LRRFIP1: variants seen among roughly 807,000 people sequenced by gnomAD.
LRRFIP1 encodes the protein LRR binding FLII interacting protein 1.
A neutral mutation model predicts 104.4 loss-of-function variants in LRRFIP1; 62 were observed. The ratio of observed to expected loss-of-function variants is 0.59; its 90% CI spans 0.48 to 0.73. The LOEUF (loss-of-function observed/expected upper bound fraction) is 0.73. Among genes scored for constraint, LRRFIP1 ranks in the 30% least tolerant of loss-of-function variants. The probability of loss-of-function intolerance (pLI) is 0.00; values close to 1 mark genes in which losing one functional copy is unlikely to be tolerated. For synonymous variants in LRRFIP1, 300 were observed against 299.0 expected, an observed-to-expected ratio of 1.00 and a Z score of -0.03; for missense variants, 796 against 824.5, an observed-to-expected ratio of 0.97 and a Z score of 0.42.
chr2:237,727,745 T>C, intron 7 of LRRFIP1, 131 bp from the exon 8 acceptor site: 2 of 684,894 alleles, frequency 2.9e-6, no homozygotes, highest in Non-Finnish European at 5.2e-6. Flanking sequence ...ACTTGTACTG[T>C]CCTGGACTGG....
At position 237,642,308 on chromosome 2, in the gene LRRFIP1, A is replaced by G. The variant is rs931514409; in HGVS notation, c.96+14568A>G. Among the ~76,000 whole-genome samples the G allele has an allele frequency of 3.3e-5, 5 of 152,024 alleles. No individual in the cohort carries two copies. The East Asian group carries it at 7.7e-4, about 24-fold the overall frequency. ...AGGCCTGGCTTCTGTCCCCAGCTTC[A>G]CTCCAGGTTCTAGGCTGCACGCCTG... On this transcript the variant is annotated intron_variant, in intron 1 of 23. Transcript: ENST00000308482.
chr2:237,663,433 C>G (rs1001789417), intron 1 of LRRFIP1, among the ~76,000 whole-genome samples: 1 of 152,150 alleles, frequency 6.6e-6, no homozygotes, highest in Non-Finnish European at 1.5e-5. Context: ...TTCTTTCCCC[C>G]CCCATCCCGC....
chr2:237,760,741 C>T (rs568896166), intron 19 of LRRFIP1, among the ~76,000 whole-genome samples: 44 of 152,258 alleles, frequency 2.9e-4, no homozygotes, highest in Middle Eastern at 3.4e-3. Flanking sequence ...CAAGCCACCG[C>T]TCGAGGTGGG....
At chr2:237,652,703 T>C (rs1001157658) in intron 1 of LRRFIP1, among the ~76,000 whole-genome samples, 4 of 152,188 alleles carry the variant, frequency 2.6e-5, no homozygotes, top group Non-Finnish European at 5.9e-5. Flanking sequence ...AAAACAATCT[T>C]GGCTGGGCAC....
chr2:237,663,731 G>A (rs2088571377), intron 1 of LRRFIP1, among the ~76,000 whole-genome samples: 1 of 152,226 alleles, frequency 6.6e-6, no homozygotes, highest in Non-Finnish European at 1.5e-5. Context: ...AGACACTGTG[G>A]AACTGACTGG....
intron 1 of LRRFIP1, among the ~76,000 whole-genome samples, chr2:237,654,154 T>C (rs1192327786): frequency 2.0e-5 from 3 of 152,056 alleles, no homozygotes; most frequent in African/African-American, 7.2e-5. Context: ...TATAAACAAA[T>C]TAATAGCAAG....
At chr2:237,699,392 G>A (rs1169390452) in intron 1 of LRRFIP1, among the ~76,000 whole-genome samples, 5 of 142,466 alleles carry the variant, frequency 3.5e-5, no homozygotes, top group Admixed American at 7.3e-5. Flanking sequence ...TCGCTCTGTC[G>A]CCCAGGCTGG....
intron 4 of LRRFIP1, among the ~76,000 whole-genome samples, chr2:237,718,642 C>T (rs2094431695): frequency 1.3e-5 from 2 of 152,202 alleles, no homozygotes; most frequent in Non-Finnish European, 2.9e-5. Context: ...TCGTGGACTT[C>T]ATCACATGCT....
At chr2:237,718,920 T>A (rs1485555818) in intron 4 of LRRFIP1, among the ~76,000 whole-genome samples, 8 of 152,134 alleles carry the variant, frequency 5.3e-5, no homozygotes, top group African/African-American at 1.7e-4. Flanking sequence ...CATGGTGATA[T>A]AAGAAAGAGA....
At chr2:237,773,701 G>A (rs2060845726) in intron 22 of LRRFIP1, among the ~76,000 whole-genome samples, 1 of 152,140 alleles carries the variant, frequency 6.6e-6, no homozygotes, top group Non-Finnish European at 1.5e-5. Flanking sequence ...TGGGCCCTAG[G>A]GCAATTTGTG....
At chr2:237,725,411 T>C (rs961476245) in intron 7 of LRRFIP1, among the ~76,000 whole-genome samples, 1 of 152,220 alleles carries the variant, frequency 6.6e-6, no homozygotes, top group Non-Finnish European at 1.5e-5. Context: ...ATGAAGTTAA[T>C]ATGCTGCCTA....
chr2:237,734,737 C>T lies in LRRFIP1; in HGVS notation c.490-531C>T, dbSNP rs184418318. 5.3e-5 allele frequency among the ~76,000 whole-genome samples: 8 copies of T among 152,326 alleles called. No individual in the cohort carries two copies. In the East Asian group the frequency reaches 1.5e-3, roughly 29 times the overall value. ...ACATCACCATTTGTGGCAGTGTAAG[C>T]TCCTGTTTACCCACGTTGATTAATT... On this transcript the variant is annotated intron_variant, in intron 9 of 23. Coordinates refer to ENST00000308482, the MANE Select transcript of LRRFIP1 (RefSeq NM_001137550.2).
At chr2:237,676,855 T>G (rs2091223667) in intron 1 of LRRFIP1, among the ~76,000 whole-genome samples, 1 of 152,190 alleles carries the variant, frequency 6.6e-6, no homozygotes, top group African/African-American at 2.4e-5. Flanking sequence ...TCTGAAAGTT[T>G]CTCTCCACAC....
chr2:237,753,722 G>T (rs991539979), intron 15 of LRRFIP1, among the ~76,000 whole-genome samples: 2 of 149,698 alleles, frequency 1.3e-5, no homozygotes, highest in African/African-American at 4.9e-5. Flanking sequence ...AGCCTGGAAG[G>T]TTGAGGCTGC....
chr2:237,776,773 TC>T (rs1415292644), intron 23 of LRRFIP1, among the ~76,000 whole-genome samples: 43 of 152,316 alleles, frequency 2.8e-4, no homozygotes, highest in Non-Finnish European at 5.1e-4. Flanking sequence ...CTTCCAGTCT[TC>T]CGTGTGTTGT....
rs2092726434 is a variant in LRRFIP1, at chr2:237,691,122, C to T, written c.97-17422C>T. ...CACGTTACCAAGTTGGGTCAGCGTG[C>T]AGAGAAAAGGGAATTGGGAATTGGA... is the stretch of plus-strand genomic sequence containing the variant. On this transcript the variant is annotated intron_variant, in intron 1 of 23. Coordinates refer to ENST00000308482, the MANE Select transcript of LRRFIP1 (RefSeq NM_001137550.2). This position sits in a 1 kb window ranked among gnomAD's most constrained non-coding sequence, Gnocchi z 5.4. Among the ~76,000 whole-genome samples, 1 of 151,734 alleles carries T rather than the reference C, an allele frequency of 6.6e-6. No homozygotes were observed. The highest frequency in any genetic ancestry group is 1.5e-5 in the Non-Finnish European group (1 of 68,024).
At chr2:237,673,406 G>A (rs2090640327) in intron 1 of LRRFIP1, among the ~76,000 whole-genome samples, 1 of 152,192 alleles carries the variant, frequency 6.6e-6, no homozygotes, top group African/African-American at 2.4e-5. Flanking sequence ...CCAGGGTCTC[G>A]CCAAGAGAGC....
chr2:237,666,418 A>G (rs1050793114), intron 1 of LRRFIP1, among the ~76,000 whole-genome samples: 2 of 152,282 alleles, frequency 1.3e-5, no homozygotes, highest in Non-Finnish European at 2.9e-5. Flanking sequence ...TATAACTGTG[A>G]AACACAGGGA....
At chr2:237,719,971 A>C (rs2094481054) in intron 5 of LRRFIP1, among the ~76,000 whole-genome samples, 1 of 131,036 alleles carries the variant, frequency 7.6e-6, no homozygotes. Flanking sequence ...TTTTTGAGAC[A>C]GAGTCTCGCT....
Sources: allele counts gnomAD v4.1 joint callset (sites outside exome capture counted in the v4.1 genomes callset), GRCh38; gene constraint gnomAD v4.1.1; non-coding constraint Gnocchi (gnomAD v3.1); transcripts MANE v1.5; gene names NCBI Gene and HGNC (gene_info 2026-07-23, HGNC 2026-07-21).